DDX4: variants seen among roughly 807,000 people sequenced by gnomAD.
DDX4 encodes the protein DEAD-box helicase 4, also known as probable ATP-dependent RNA helicase DDX4.
A neutral mutation model predicts 100.0 loss-of-function variants in DDX4; 25 were observed. The observed-to-expected ratio is 0.25, with a 90% confidence interval of 0.18 to 0.35. The LOEUF is 0.35. Ranked by LOEUF, DDX4 falls within the 10% of genes least tolerant of loss-of-function variation. The pLI is 1.00. For missense variants in DDX4, 635 were observed against 882.4 expected, an observed-to-expected ratio of 0.72 and a Z score of 3.55; for synonymous variants, 259 against 275.7, an observed-to-expected ratio of 0.94 and a Z score of 0.60.
At position 55,746,729 on chromosome 5, in the gene DDX4, T is replaced by A. The variant is rs559738476; in HGVS notation, c.127+508T>A. Among the ~76,000 whole-genome samples the A allele has an allele frequency of 2.0e-5, 3 of 152,226 alleles. No individual in the cohort carries two copies. The East Asian group carries it at 5.8e-4, about 29-fold the overall frequency. ...AACCCATATCCTTCCTGTTGCGCCC[T>A]CCTCCCAACCCCACTCTGAACTTGT... On this transcript the variant is annotated intron_variant, in intron 3 of 21. Coordinates refer to ENST00000505374, the MANE Select transcript of DDX4 (RefSeq NM_024415.3).
chr5:55,808,586 A>C (rs1415792656), intron 18 of DDX4, among the ~76,000 whole-genome samples: 1 of 152,236 alleles, frequency 6.6e-6, no homozygotes, highest in African/African-American at 2.4e-5. Flanking sequence ...GGTCCACTCC[A>C]GACCTTGTTT....
chr5:55,750,060 G>A (rs1375984397), intron 3 of DDX4: 4 of 152,168 alleles, frequency 2.6e-5, no homozygotes, highest in African/African-American at 9.7e-5. Context: ...AACTACACAT[G>A]CAATGACAGT....
At chr5:55,814,817 A>G in intron 19 of DDX4, 84 bp from the exon 20 acceptor site, 4 of 1,471,640 alleles carry the variant, frequency 2.7e-6, no homozygotes, top group Non-Finnish European at 3.7e-6. Flanking sequence ...CTATTATTAA[A>G]AAGAAATTTG....
intron 3 of DDX4, among the ~76,000 whole-genome samples, chr5:55,755,089 C>G (rs942738757): frequency 6.6e-6 from 1 of 151,910 alleles, no homozygotes; most frequent in Non-Finnish European, 1.5e-5. Flanking sequence ...TAGTTTTTTC[C>G]AGCACCATCT....
intron 3 of DDX4, among the ~76,000 whole-genome samples, chr5:55,755,622 G>A (rs1759877283): frequency 6.6e-6 from 1 of 151,646 alleles, no homozygotes; most frequent in African/African-American, 2.4e-5. Context: ...AGCTTTTCAT[G>A]TTTTCCAGTA....
In DDX4 at chr5:55,779,238, C is replaced by A. The variant is rs186282799; in HGVS notation, c.395-726C>A. Among the ~76,000 whole-genome samples the A allele has an allele frequency of 9.8e-4, 149 of 152,198 alleles. 1 individual carries two copies. Among genetic ancestry groups the A allele is most frequent in the African/African-American group, 3.3e-3 (136 of 41,554 alleles). On this transcript the variant is annotated intron_variant, in intron 7 of 21. Transcript: ENST00000505374. ...TTTACAGAAAAGGTTCCAGAAGATACAATTTTTTTGAAGAGTTTTGTTTCA... is the reference window on the plus strand; with the variant it reads ...TTTACAGAAAAGGTTCCAGAAGATAAAATTTTTTTGAAGAGTTTTGTTTCA...
intron 10 of DDX4, among the ~76,000 whole-genome samples, chr5:55,784,224 A>G (rs1013584251): frequency 6.6e-6 from 1 of 152,154 alleles, no homozygotes; most frequent in African/African-American, 2.4e-5. Flanking sequence ...GATTGCTGGT[A>G]CAAGTCCTAG....
chr5:55,811,919 C>T (rs1242992521), intron 18 of DDX4, among the ~76,000 whole-genome samples: 2 of 152,026 alleles, frequency 1.3e-5, no homozygotes, highest in Non-Finnish European at 2.9e-5. Flanking sequence ...GCTAGTAAAC[C>T]TCTATACATT....
At chr5:55,768,167 A>G in intron 7 of DDX4, 1 of 499,512 alleles carries the variant, frequency 2.0e-6, no homozygotes, top group African/African-American at 1.9e-5. Context: ...GTTCATGTGT[A>G]GGTTTGTTAT....
intron 7 of DDX4, among the ~76,000 whole-genome samples, chr5:55,777,224 T>G (rs1172420548): frequency 6.6e-6 from 1 of 152,204 alleles, no homozygotes; most frequent in African/African-American, 2.4e-5. Context: ...GAAAAAACTC[T>G]GTAAAGAGAA....
At chr5:55,792,576 G>A (rs1454644733) in intron 16 of DDX4, 65 bp from the exon 17 acceptor site, 2 of 787,700 alleles carry the variant, frequency 2.5e-6, no homozygotes, top group Non-Finnish European at 1.8e-6. Flanking sequence ...AGTTGGAATT[G>A]TAGAGAATAG....
At chr5:55,774,975 C>T (rs1213123767) in intron 7 of DDX4, among the ~76,000 whole-genome samples, 1 of 152,182 alleles carries the variant, frequency 6.6e-6, no homozygotes, top group Non-Finnish European at 1.5e-5. Context: ...TCATCACTAT[C>T]ATCACCCAGA....
At chr5:55,811,360 T>C (rs910504890) in intron 18 of DDX4, among the ~76,000 whole-genome samples, 1 of 152,172 alleles carries the variant, frequency 6.6e-6, no homozygotes, top group African/African-American at 2.4e-5. Context: ...CCCCAGGTTC[T>C]CTAAGATCCC....
chr5:55,758,907 C>CAGACA (rs1760112823), intron 3 of DDX4, among the ~76,000 whole-genome samples: 1 of 130,158 alleles, frequency 7.7e-6, no homozygotes, highest in Non-Finnish European at 1.6e-5. Flanking sequence ...AAGAGGCAGA[C>CAGACA]AGACAAGGTC....
chr5:55,780,486 T>C lies in DDX4; in HGVS notation c.496+421T>C, dbSNP rs578069339. Among the ~76,000 whole-genome samples the C allele has an allele frequency of 2.6e-5, 4 of 152,310 alleles. No individual in the cohort carries two copies. The East Asian group carries it at 7.7e-4, about 29-fold the overall frequency. On this transcript the variant is annotated intron_variant, in intron 8 of 21. Transcript: ENST00000505374. ...CTGACTTCAGAGGTCACTGTTGGAA[T>C]GTATGTGCCTCTTAACAGAGGAGAA...
At chr5:55,743,168 G>A (rs764853202) in intron 2 of DDX4, among the ~76,000 whole-genome samples, 40 of 152,148 alleles carry the variant, frequency 2.6e-4, no homozygotes, top group Non-Finnish European at 5.1e-4. Flanking sequence ...TGTCAGCAGC[G>A]CTGCCCTCCC....
intron 6 of DDX4, among the ~76,000 whole-genome samples, chr5:55,765,775 T>TA (rs1412214166): frequency 6.6e-6 from 1 of 152,124 alleles, no homozygotes; most frequent in Admixed American, 6.5e-5. Flanking sequence ...GTGATACATT[T>TA]AGAACACGGC....
intron 15 of DDX4, among the ~76,000 whole-genome samples, chr5:55,788,855 CA>C (rs1049939056): frequency 1.3e-5 from 2 of 152,048 alleles, no homozygotes; most frequent in African/African-American, 2.4e-5. Context: ...AGCTTGAGCC[CA>C]GGAGTTCAAG....
At position 55,739,037 on chromosome 5, in the gene DDX4, T is replaced by A. The variant is rs1186623684; in HGVS notation, c.69+5T>A. ...TATGTTCCCATATTTGAGAAGGTAA[T>A]AACATTTAAAGTTTAGTTATTAAAT... On this transcript the variant is annotated splice_donor_5th_base_variant and intron_variant, in intron 2 of 21. Coordinates refer to ENST00000505374, the MANE Select transcript of DDX4 (RefSeq NM_024415.3). 7 of 1,546,528 alleles carry A rather than the reference T, an allele frequency of 4.5e-6. No individual in the cohort carries two copies. The highest frequency in any genetic ancestry group is 6.2e-6 in the Non-Finnish European group (7 of 1,122,518).
Sources: allele counts gnomAD v4.1 joint callset (sites outside exome capture counted in the v4.1 genomes callset), GRCh38; gene constraint gnomAD v4.1.1; transcripts MANE v1.5; gene names NCBI Gene and HGNC (gene_info 2026-07-23, HGNC 2026-07-21).